MCC: variants seen among roughly 807,000 people sequenced by gnomAD.
The protein encoded by MCC is colorectal mutant cancer protein.
Under a neutral mutation model 116.2 loss-of-function variants are expected in MCC, and 90 were observed. The ratio of observed to expected loss-of-function variants is 0.77; its 90% CI spans 0.65 to 0.92. The LOEUF is 0.92. Among genes scored for constraint, MCC ranks in the 40% least tolerant of loss-of-function variants. The pLI is 0.00. For missense variants in MCC, 1,516 were observed against 1,312.2 expected (o/e 1.16, Z -2.40); for synonymous variants, 578 against 510.5 (o/e 1.13, Z -1.78).
chr5:113,188,646 C>T (rs777677153), intron 3 of MCC, among the ~76,000 whole-genome samples: 2 of 152,170 alleles, frequency 1.3e-5, no homozygotes, highest in African/African-American at 2.4e-5. Context: ...CACATCTAAC[C>T]TGAATGTCAC....
At chr5:113,062,037 A>G (rs1753262281) in intron 14 of MCC, among the ~76,000 whole-genome samples, 3 of 152,196 alleles carry the variant, frequency 2.0e-5, no homozygotes, top group South Asian at 2.1e-4. Flanking sequence ...TGACAAATGA[A>G]TGCCTCGTGT....
intron 2 of MCC, among the ~76,000 whole-genome samples, chr5:113,341,113 A>G (rs1038244502): frequency 5.3e-5 from 8 of 152,326 alleles, no homozygotes; most frequent in Non-Finnish European, 7.4e-5. Flanking sequence ...AAAGGAAGCA[A>G]GAAGAATGAC....
chr5:113,054,059 G>C, intron 14 of MCC, 100 bp from the exon 15 acceptor site: 3 of 806,444 alleles, frequency 3.7e-6, no homozygotes, highest in Non-Finnish European at 6.0e-6. Flanking sequence ...CCTCTCCCCA[G>C]TGTTATTTAG....
chr5:113,254,931 G>A (rs1319341171), intron 3 of MCC, among the ~76,000 whole-genome samples: 1 of 152,100 alleles, frequency 6.6e-6, no homozygotes, highest in Non-Finnish European at 1.5e-5. Flanking sequence ...TTGGGAGGCC[G>A]AGGTGGGTGG....
chr5:113,412,781 T>G (rs565916662), intron 1 of MCC, among the ~76,000 whole-genome samples: 1 of 152,360 alleles, frequency 6.6e-6, no homozygotes, highest in East Asian at 1.9e-4. Flanking sequence ...CTTGCCTGAC[T>G]GCCCTGGCCA....
chr5:113,070,064 A>T (rs1286199905), intron 12 of MCC, among the ~76,000 whole-genome samples: 1 of 152,192 alleles, frequency 6.6e-6, no homozygotes, highest in African/African-American at 2.4e-5. Flanking sequence ...TCAAAGGCAG[A>T]TTGTGGGTGG....
chr5:113,327,776 G>A (rs1295141052), intron 3 of MCC, among the ~76,000 whole-genome samples: 1 of 150,158 alleles, frequency 6.7e-6, no homozygotes, highest in Non-Finnish European at 1.5e-5. Flanking sequence ...TAATTATTAG[G>A]TTGGTGCAAA....
intron 1 of MCC, among the ~76,000 whole-genome samples, chr5:113,404,731 A>G (rs1769784837): frequency 6.6e-6 from 1 of 152,224 alleles, no homozygotes; most frequent in Admixed American, 6.5e-5. Context: ...TGCTCCATCT[A>G]TACAATGCCA....
At chr5:113,390,980 A>C (rs1008976026) in intron 1 of MCC, among the ~76,000 whole-genome samples, 9 of 149,354 alleles carry the variant, frequency 6.0e-5, no homozygotes, top group Non-Finnish European at 1.3e-4. Flanking sequence ...AAAGTATGAA[A>C]ATTATAATTA....
At chr5:113,428,614 T>C (rs1770542997) in intron 1 of MCC, 1 of 152,258 alleles carries the variant, frequency 6.6e-6, no homozygotes, top group Non-Finnish European at 1.5e-5. Context: ...CTGTCACAGT[T>C]CAACTTCTCC....
chr5:113,326,084 G>A (rs1002043766), intron 3 of MCC, among the ~76,000 whole-genome samples: 2 of 152,124 alleles, frequency 1.3e-5, no homozygotes, highest in Non-Finnish European at 2.9e-5. Context: ...CCATTAATAT[G>A]CACAGGTATG....
intron 13 of MCC, among the ~76,000 whole-genome samples, chr5:113,067,594 C>T (rs567400495): frequency 2.0e-5 from 3 of 152,184 alleles, no homozygotes; most frequent in Admixed American, 6.5e-5. Context: ...CAAGATTGCA[C>T]CATTGCACTC....
At chr5:113,441,101 G>A (rs1272893613) in intron 1 of MCC, among the ~76,000 whole-genome samples, 3 of 152,180 alleles carry the variant, frequency 2.0e-5, no homozygotes, top group African/African-American at 4.8e-5. Flanking sequence ...TTCGGAGGCT[G>A]AGGCGGGCAG....
chr5:113,329,719 G>C (rs542623862), intron 3 of MCC, among the ~76,000 whole-genome samples: 1 of 152,132 alleles, frequency 6.6e-6, no homozygotes, highest in South Asian at 2.1e-4. Context: ...ATGTCCCTTT[G>C]CTTTCTCCTC....
intron 3 of MCC, among the ~76,000 whole-genome samples, chr5:113,204,998 A>G (rs112845313): frequency 1.5e-5 from 2 of 136,872 alleles, no homozygotes; most frequent in African/African-American, 6.0e-5. Flanking sequence ...GTTTGGGGCT[A>G]TGGACTGGTT....
At chr5:113,098,174 CG>C (rs1756158848) in intron 8 of MCC, among the ~76,000 whole-genome samples, 1 of 152,098 alleles carries the variant, frequency 6.6e-6, no homozygotes, top group Non-Finnish European at 1.5e-5. Context: ...TTGGGGAAAG[CG>C]CTGATTATTT....
At chr5:113,197,290 C>G (rs902858287) in intron 3 of MCC, among the ~76,000 whole-genome samples, 1 of 151,818 alleles carries the variant, frequency 6.6e-6, no homozygotes, top group African/African-American at 2.4e-5. Flanking sequence ...CCCAAATAGG[C>G]AAACAAAGAG....
intron 1 of MCC, among the ~76,000 whole-genome samples, chr5:113,443,998 T>C (rs1239018268): frequency 6.6e-6 from 1 of 151,206 alleles, no homozygotes; most frequent in East Asian, 1.9e-4. Flanking sequence ...AATTTGTGTG[T>C]GTGTGTGTGT....
chr5:113,475,409 A>T (rs1228068997), intron 1 of MCC, among the ~76,000 whole-genome samples: 3 of 152,214 alleles, frequency 2.0e-5, no homozygotes, highest in African/African-American at 7.2e-5. Flanking sequence ...CAGGGATCCA[A>T]ATGTTTGAAA....
Sources: gnomAD v4.1 joint callset for allele counts (sites outside exome capture counted in the v4.1 genomes callset) on GRCh38, gnomAD v4.1.1 for gene constraint, MANE v1.5 for transcripts, NCBI Gene and HGNC (gene_info 2026-07-23, HGNC 2026-07-21) for gene names.